GUCY1A2: variants seen among roughly 807,000 people sequenced by gnomAD.
GUCY1A2 encodes guanylate cyclase 1 soluble subunit alpha 2, also known as guanylate cyclase soluble subunit alpha-2.
GUCY1A2 carries 27 observed loss-of-function variants against 63.5 expected under a neutral mutation model. The ratio of observed to expected loss-of-function variants is 0.43; its 90% CI spans 0.31 to 0.59. The LOEUF (loss-of-function observed/expected upper bound fraction) is 0.59. GUCY1A2 is among the 20% of genes least tolerant of loss of function. The pLI is 0.11. For synonymous variants in GUCY1A2, 364 were observed against 343.5 expected (o/e 1.06, Z -0.66); for missense variants, 768 against 913.3 (o/e 0.84, Z 2.05).
chr11:106,912,026 T>C (rs1453521681), intron 4 of GUCY1A2, among the ~76,000 whole-genome samples: 8 of 152,024 alleles, frequency 5.3e-5, no homozygotes, highest in African/African-American at 1.9e-4. Context: ...AATCCAAAAC[T>C]GCAGGAAATC....
intron 4 of GUCY1A2, among the ~76,000 whole-genome samples, chr11:106,869,139 TA>T (rs1160734174): frequency 1.3e-5 from 2 of 152,106 alleles, no homozygotes; most frequent in African/African-American, 4.8e-5. Flanking sequence ...ATGTTAGACC[TA>T]AAACCATAAA....
intron 4 of GUCY1A2, among the ~76,000 whole-genome samples, chr11:106,923,623 GAA>G (rs1207135926): frequency 6.6e-6 from 1 of 152,046 alleles, no homozygotes; most frequent in Non-Finnish European, 1.5e-5. Context: ...TACATTAGGA[GAA>G]AGATTTTTTT....
chr11:106,830,593 T>G (rs1859037073), intron 4 of GUCY1A2, among the ~76,000 whole-genome samples: 1 of 152,200 alleles, frequency 6.6e-6, no homozygotes, highest in Non-Finnish European at 1.5e-5. Flanking sequence ...AGGCTACATC[T>G]TTTTCCTGTG....
intron 5 of GUCY1A2, among the ~76,000 whole-genome samples, chr11:106,793,334 T>C (rs569052779): frequency 6.6e-6 from 1 of 152,034 alleles, no homozygotes; most frequent in East Asian, 1.9e-4. Flanking sequence ...TCTTATGACA[T>C]ACAGAAAAAT....
Position 106,838,836 on chromosome 11 carries a change from T to C in GUCY1A2, c.1207-28358A>G, listed in dbSNP as rs1859153376. ...ACTTTTTGATGGGGTTGTTTTTTTCTTGTAAATTTGTTTGAGTACTTTGTA... is the reference window on the plus strand; with the variant it reads ...ACTTTTTGATGGGGTTGTTTTTTTCCTGTAAATTTGTTTGAGTACTTTGTA... On this transcript the variant is annotated intron_variant, in intron 4 of 7. Coordinates refer to ENST00000526355, the MANE Select transcript of GUCY1A2 (RefSeq NM_000855.3). 2.6e-5 allele frequency among the ~76,000 whole-genome samples: 4 copies of C among 152,104 alleles called. No homozygotes were observed. The South Asian group carries it at 8.3e-4, about 31-fold the overall frequency.
At chr11:106,708,741 G>T in intron 6 of GUCY1A2, 75 bp from the exon 7 acceptor site, 1 of 830,018 alleles carries the variant, frequency 1.2e-6, no homozygotes, top group Non-Finnish European at 1.8e-6. Flanking sequence ...GAAAGGCACT[G>T]CTAATTAATA....
intron 6 of GUCY1A2, among the ~76,000 whole-genome samples, chr11:106,738,829 G>C (rs1863637124): frequency 6.6e-6 from 1 of 152,122 alleles, no homozygotes; most frequent in African/African-American, 2.4e-5. Flanking sequence ...GTAGTGTGAT[G>C]CCTCCAGCTT....
intron 4 of GUCY1A2, among the ~76,000 whole-genome samples, chr11:106,932,183 T>A (rs1042648006): frequency 3.3e-5 from 5 of 152,094 alleles, no homozygotes; most frequent in Non-Finnish European, 7.4e-5. Context: ...AAAAATCTGA[T>A]CTCCAATAGG....
intron 4 of GUCY1A2, among the ~76,000 whole-genome samples, chr11:106,895,801 A>G (rs574355276): frequency 6.6e-6 from 1 of 152,276 alleles, no homozygotes; most frequent in South Asian, 2.1e-4. Flanking sequence ...CATTACAAGA[A>G]AAGAAAACGA....
At chr11:106,707,353 T>C (rs1383558703) in intron 7 of GUCY1A2, among the ~76,000 whole-genome samples, 2 of 152,050 alleles carry the variant, frequency 1.3e-5, no homozygotes, top group South Asian at 2.1e-4. Flanking sequence ...TTTATTATTA[T>C]AGTCAACTTT....
At chr11:107,005,253 T>C (rs1224250691) in intron 1 of GUCY1A2, among the ~76,000 whole-genome samples, 5 of 152,220 alleles carry the variant, frequency 3.3e-5, no homozygotes, top group African/African-American at 1.2e-4. Context: ...CATAATTTGG[T>C]AATTTTTTAA....
At chr11:106,859,686 C>T (rs61902982) in intron 4 of GUCY1A2, among the ~76,000 whole-genome samples, 6,534 of 151,934 alleles carry the variant, frequency 0.043, 198 homozygotes, top group African/African-American at 0.08. Context: ...AGTCAATGAC[C>T]GACCACTTAC....
At chr11:106,988,553 T>A (rs527798056) in intron 1 of GUCY1A2, among the ~76,000 whole-genome samples, 42 of 152,350 alleles carry the variant, frequency 2.8e-4, no homozygotes, top group Non-Finnish European at 6.0e-4. Flanking sequence ...AGATCTAGCT[T>A]TTTTCTTGTG....
intron 4 of GUCY1A2, among the ~76,000 whole-genome samples, chr11:106,867,880 T>C (rs1329617885): frequency 6.6e-6 from 1 of 152,062 alleles, no homozygotes; most frequent in African/African-American, 2.4e-5. Flanking sequence ...AGTAAGCACA[T>C]GATTATTTAT....
chr11:106,928,128 C>T (rs1300335651), intron 4 of GUCY1A2, among the ~76,000 whole-genome samples: 1 of 152,120 alleles, frequency 6.6e-6, no homozygotes, highest in Non-Finnish European at 1.5e-5. Context: ...AAAATGCAAG[C>T]TGCCATAAAT....
intron 6 of GUCY1A2, among the ~76,000 whole-genome samples, chr11:106,721,367 G>A (rs927151759): frequency 6.6e-6 from 1 of 152,088 alleles, no homozygotes; most frequent in African/African-American, 2.4e-5. Flanking sequence ...CCAACAAAAT[G>A]TTTCTTATTG....
In GUCY1A2 at chr11:106,809,542, CACTT is replaced by C. The variant is rs1391935560; in HGVS notation, c.1692+447_1692+450del. Reference sequence around the variant, plus strand: ...GGTTTTTTTAGAATTAAAGAGATCTCACTTAATAATGCAGTGCAAAATACTGATT... The same window carrying C: ...GGTTTTTTTAGAATTAAAGAGATCTCAATAATGCAGTGCAAAATACTGATT... On this transcript the variant is annotated intron_variant, in intron 5 of 7. Coordinates refer to ENST00000526355, the MANE Select transcript of GUCY1A2 (RefSeq NM_000855.3). Among the ~76,000 whole-genome samples the C allele has an allele frequency of 5.3e-5, 8 of 152,132 alleles. No individual in the cohort carries two copies. In the South Asian group the frequency reaches 1.5e-3, roughly 28 times the overall value.
At chr11:106,732,828 T>A (rs552494669) in intron 6 of GUCY1A2, among the ~76,000 whole-genome samples, 2 of 152,138 alleles carry the variant, frequency 1.3e-5, no homozygotes, top group Non-Finnish European at 2.9e-5. Flanking sequence ...GGAAGCTGAA[T>A]GATAACATCA....
At chr11:106,736,188 T>A (rs1480797064) in intron 6 of GUCY1A2, among the ~76,000 whole-genome samples, 1 of 152,146 alleles carries the variant, frequency 6.6e-6, no homozygotes, top group Non-Finnish European at 1.5e-5. Context: ...TTTGAGCTAC[T>A]ACTAATTGAA....
Sources: allele counts gnomAD v4.1 joint callset (sites outside exome capture counted in the v4.1 genomes callset), GRCh38; gene constraint gnomAD v4.1.1; transcripts MANE v1.5; gene names NCBI Gene and HGNC (gene_info 2026-07-23, HGNC 2026-07-21).